KIAA0586: variants seen among roughly 807,000 people sequenced by gnomAD.
KIAA0586 encodes the protein KIAA0586.
A neutral mutation model predicts 169.8 loss-of-function variants in KIAA0586; 144 were observed. That is an observed-to-expected ratio of 0.85 (90% CI 0.74 to 0.97). KIAA0586 has a LOEUF of 0.97. Among genes scored for constraint, KIAA0586 ranks in the 50% least tolerant of loss-of-function variants. The pLI, the probability that KIAA0586 is intolerant of heterozygous loss-of-function variation, is 0.00. For synonymous variants in KIAA0586, 625 were observed against 612.4 expected, an observed-to-expected ratio of 1.02 and a Z score of -0.30; for missense variants, 1,854 against 1,823.0, an observed-to-expected ratio of 1.02 and a Z score of -0.31.
At chr14:58,533,345 T>C (rs989650589) in intron 29 of KIAA0586, among the ~76,000 whole-genome samples, 1 of 152,232 alleles carries the variant, frequency 6.6e-6, no homozygotes, top group African/African-American at 2.4e-5. Flanking sequence ...AAATGAAATA[T>C]TTATCTTTGG....
At chr14:58,448,160 A>G (rs1397462171) in intron 6 of KIAA0586, among the ~76,000 whole-genome samples, 180 bp from the exon 7 acceptor site, 1 of 152,184 alleles carries the variant, frequency 6.6e-6, no homozygotes, top group Non-Finnish European at 1.5e-5. Flanking sequence ...TTGTGCTTCT[A>G]CATCTTTCCA....
chr14:58,438,249 A>G (rs547496645), intron 4 of KIAA0586, among the ~76,000 whole-genome samples: 3 of 152,178 alleles, frequency 2.0e-5, no homozygotes, highest in Non-Finnish European at 4.4e-5. Context: ...CATTTGCCAC[A>G]TTGAGCATTT....
intron 26 of KIAA0586, 146 bp from the exon 27 acceptor site, chr14:58,498,637 C>T: frequency 2.0e-6 from 1 of 503,864 alleles, no homozygotes; most frequent in Non-Finnish European, 3.3e-6. Context: ...ACTTTTCTTG[C>T]ATGTAATGTA....
intron 30 of KIAA0586, among the ~76,000 whole-genome samples, chr14:58,541,759 A>T (rs1395743540): frequency 6.6e-6 from 1 of 152,228 alleles, no homozygotes; most frequent in Non-Finnish European, 1.5e-5. Context: ...AACGTGTATT[A>T]AATTATGTCT....
At chr14:58,453,266 G>A in intron 8 of KIAA0586, 84 bp from the exon 9 acceptor site, 1 of 753,906 alleles carries the variant, frequency 1.3e-6, no homozygotes. Context: ...GCTAACTTAG[G>A]CCAGAATACA....
intron 6 of KIAA0586, among the ~76,000 whole-genome samples, chr14:58,448,129 G>A (rs1288024617): frequency 4.6e-5 from 7 of 152,192 alleles, no homozygotes; most frequent in African/African-American, 7.2e-5. Context: ...TCACACAGCA[G>A]AGTCAGGCTT....
intron 17 of KIAA0586, among the ~76,000 whole-genome samples, chr14:58,471,838 A>G (rs1748989): frequency 0.98 from 148,258 of 151,152 alleles, 72,745 homozygotes; most frequent in East Asian, 1. Context: ...ATCCATCTTC[A>G]TGTGAGTTCA....
chr14:58,447,092 T>C (rs1000514594), intron 6 of KIAA0586, among the ~76,000 whole-genome samples: 3 of 152,224 alleles, frequency 2.0e-5, no homozygotes, highest in Non-Finnish European at 4.4e-5. Flanking sequence ...GTCTTACTTA[T>C]AAAGCTTATA....
chr14:58,539,395 T>G (rs2046498923), intron 29 of KIAA0586, among the ~76,000 whole-genome samples: 1 of 152,218 alleles, frequency 6.6e-6, no homozygotes, highest in South Asian at 2.1e-4. Context: ...TATAGAAGGT[T>G]GTTAATTGAC....
At chr14:58,552,566 T>C (rs915229642), downstream of KIAA0586, among the ~76,000 whole-genome samples, 2 of 152,222 alleles carry the variant, frequency 1.3e-5, no homozygotes, top group African/African-American at 4.8e-5. Flanking sequence ...GAATAAGTTA[T>C]TGATACATCT....
At chr14:58,450,881 T>G (rs2039313484) in intron 8 of KIAA0586, 135 bp downstream of exon 8, 1 of 572,334 alleles carries the variant, frequency 1.7e-6, no homozygotes, top group South Asian at 2.8e-5. Flanking sequence ...AAATCAAGCT[T>G]CTTTAGATTC....
chr14:58,503,849 A>T (rs1392232010), intron 27 of KIAA0586, among the ~76,000 whole-genome samples: 1 of 151,908 alleles, frequency 6.6e-6, no homozygotes, highest in Non-Finnish European at 1.5e-5. Context: ...GTGGAAATGC[A>T]GTGTTTTTGT....
In KIAA0586 at chr14:58,461,039, C is replaced by G; in HGVS notation, c.1938C>G (p.Val646=). The G allele has an allele frequency of 1.9e-6, 3 of 1,611,910 alleles. No individual in the cohort carries two copies. Among genetic ancestry groups the G allele is most frequent in the Middle Eastern group, 1.7e-4 (1 of 6,048 alleles). Residue 646 remains valine (V), a synonymous_variant, in exon 14 of 31, where the codon GTC becomes GTG. Coordinates refer to ENST00000652326, the MANE Select transcript of KIAA0586 (RefSeq NM_001329943.3). The stretch of plus-strand genomic sequence containing the variant: ...AAGATGAAGATTATATGTTACAAGT[C>G]TATGGAAAGCCAGTTTATCAGGGCC... ...VIQDEDYMLQ[V]YGKPVYQGHR...
At chr14:58,461,827 T>C (rs915458853) in intron 14 of KIAA0586, among the ~76,000 whole-genome samples, 1 of 152,230 alleles carries the variant, frequency 6.6e-6, no homozygotes, top group Non-Finnish European at 1.5e-5. Flanking sequence ...TGAAAACTTT[T>C]TTGTTGCTTT....
Position 58,458,390 on chromosome 14 carries a change from A to G in KIAA0586, c.1584-83A>G. On this transcript the variant is annotated intron_variant, in intron 11 of 30. Coordinates refer to ENST00000652326, the MANE Select transcript of KIAA0586 (RefSeq NM_001329943.3). ...AAGATATTAGGATAGCAGGTTCACA[A>G]CTAGATAAGAGTTAGATCTGATCCA... 5 of 724,730 alleles carry G rather than the reference A, an allele frequency of 6.9e-6. No homozygotes were observed. In the South Asian group the frequency reaches 9.2e-5, roughly 13 times the overall value. The allele number at this position is 724,730 out of a possible 1,614,324, so 44.9% of individuals were successfully genotyped here. A position where few individuals can be genotyped will look rare whatever the true frequency, so the allele number is the denominator to read the frequency against.
chr14:58,447,540 G>A (rs963329325), intron 6 of KIAA0586, among the ~76,000 whole-genome samples: 1 of 151,210 alleles, frequency 6.6e-6, no homozygotes, highest in South Asian at 2.1e-4. Context: ...GAGTGTAGTG[G>A]CACCATTTCG....
intron 6 of KIAA0586, among the ~76,000 whole-genome samples, chr14:58,447,473 ATTTTG>A (rs67349720): frequency 0.33 from 46,982 of 143,588 alleles, 8,156 homozygotes; most frequent in Middle Eastern, 0.41. Context: ...ATTTTATTTT[ATTTTG>A]TTTTATTTTA....
rs187063580 is a variant in KIAA0586, at chr14:58,427,967, G to A, written c.-298G>A. 6,578 of 1,409,694 alleles carry A rather than the reference G, an allele frequency of 4.7e-3. 23 individuals carry two copies. The highest frequency in any genetic ancestry group is 5.7e-3 in the South Asian group (367 of 64,756). 87.3% of individuals were successfully genotyped at this position (1,409,694 alleles called of 1,614,324 possible). A position where few individuals can be genotyped will look rare whatever the true frequency, so the allele number is the denominator to read the frequency against. On this transcript the variant is annotated 5_prime_UTR_variant, in exon 1 of 31. The change creates a premature stop within an existing upstream ORF in the 5' untranslated region. Transcript: ENST00000652326. ...TGTTTGGTTTTGCCCTACCAGCTCT[G>A]GGGTTGGGGAGTGCACTGTTATGGT...
rs1286917303 is a variant in KIAA0586 at position 58,492,253 on chromosome 14, A to G, written c.3968A>G (p.Gln1323Arg). The stretch of plus-strand genomic sequence containing the variant: ...CAAAACCAGGAGTCAGCAGTTTCCC[A>G]GCAAGCAGTCTATCATTCAGAGGTA... ...AKQNQESAVSQQAVYHSEDLE... is the reference protein window; with the variant it reads ...AKQNQESAVSRQAVYHSEDLE... The change falls in exon 26 of 31, where the codon CAG becomes CGG. Residue 1323 changes from glutamine to arginine, a missense_variant. Physicochemically the swap from Gln to Arg is conservative, Grantham distance 43 (BLOSUM62 1). Coordinates refer to ENST00000652326, the MANE Select transcript of KIAA0586 (RefSeq NM_001329943.3). 3.2e-6 allele frequency: 5 copies of G among 1,550,970 alleles called. No homozygotes were observed. In the African/African-American group the frequency reaches 5.5e-5, roughly 17 times the overall value.
Sources: gnomAD v4.1 joint callset for allele counts (sites outside exome capture counted in the v4.1 genomes callset) on GRCh38, gnomAD v4.1.1 for gene constraint, MANE v1.5 for transcripts, NCBI Gene and HGNC (gene_info 2026-07-23, HGNC 2026-07-21) for gene names.